The following ANPEP variants were observed in gnomAD, a reference collection of about 807,000 sequenced individuals.
ANPEP encodes the protein aminopeptidase N.
A neutral mutation model predicts 114.6 loss-of-function variants in ANPEP; 70 were observed. The ratio of observed to expected loss-of-function variants is 0.61; its 90% CI spans 0.50 to 0.75. ANPEP has a LOEUF of 0.75. ANPEP is among the 30% of genes least tolerant of loss of function. ANPEP has a pLI of 0.00. For missense variants in ANPEP, 1,184 were observed against 1,259.5 expected, an observed-to-expected ratio of 0.94 and a Z score of 0.91; for synonymous variants, 548 against 522.3, an observed-to-expected ratio of 1.05 and a Z score of -0.67.
rs561792946 is a variant in ANPEP, at chr15:89,790,661, C to A, written c.2670-120G>T. The A allele has an allele frequency of 1.9e-5, 18 of 923,482 alleles. No individual in the cohort carries two copies. In the African/African-American group the frequency reaches 2.5e-4, roughly 13 times the overall value. The allele number at this position is 923,482 out of a possible 1,614,324, so 57.2% of individuals were successfully genotyped here. On this transcript the variant is annotated intron_variant, in intron 19 of 20. Coordinates refer to ENST00000300060, the MANE Select transcript of ANPEP (RefSeq NM_001150.3). ...AGATGAAATGACACGCCCTGGGAGA[C>A]CCCACTAGGATGTGGGGGAGTCACA... is the stretch of plus-strand genomic sequence containing the variant.
intron 14 of ANPEP, 136 bp from the exon 15 acceptor site, chr15:89,797,858 GA>G: frequency 8.1e-7 from 1 of 1,227,924 alleles, no homozygotes; most frequent in Admixed American, 2.4e-5. Flanking sequence ...GGAGGTCCCA[GA>G]TTCCCAACTG....
intron 15 of ANPEP, among the ~76,000 whole-genome samples, chr15:89,796,203 G>A (rs894332274): frequency 4.3e-4 from 66 of 152,198 alleles, no homozygotes; most frequent in Non-Finnish European, 8.1e-4. Context: ...GCAAGAGAGT[G>A]AGACCTTGTC....
chr15:89,792,115 G>C (rs935083208), intron 18 of ANPEP, 45 bp downstream of exon 18: 3 of 1,585,240 alleles, frequency 1.9e-6, no homozygotes. Flanking sequence ...TGGTTCTCCA[G>C]GTGGGGAGAG....
rs1894576646 is a variant in ANPEP at position 89,800,989 on chromosome 15, T to C, written c.1819+122A>G. On this transcript the variant is annotated intron_variant, in intron 12 of 20. Coordinates refer to ENST00000300060, the MANE Select transcript of ANPEP (RefSeq NM_001150.3). ...CAGCGAAGCAGCAGCAAAGTGGAGA[T>C]TGGAACCAAAGAAGTCAAGTCCATT... is the stretch of plus-strand genomic sequence containing the variant. The C allele has an allele frequency of 9.7e-6, 8 of 827,552 alleles. 1 individual carries two copies. The highest frequency in any genetic ancestry group is 6.4e-5 in the South Asian group (4 of 62,098). 51.3% of individuals were successfully genotyped at this position (827,552 alleles called of 1,614,324 possible).
At chr15:89,801,898 T>C (rs1003207770) in intron 10 of ANPEP, among the ~76,000 whole-genome samples, 2 of 152,074 alleles carry the variant, frequency 1.3e-5, no homozygotes, top group African/African-American at 4.8e-5. Flanking sequence ...TGCCCATGGC[T>C]CTTCCTGAAC....
rs754660003 is a variant in ANPEP, at chr15:89,806,297, T to C, written c.287A>G (p.Asn96Ser). Residue 96 changes from asparagine (N) to serine (S), a missense_variant, in exon 2 of 21, where the codon AAT becomes AGT. Coordinates refer to ENST00000300060, the MANE Select transcript of ANPEP (RefSeq NM_001150.3). The surrounding 1 kb of genome is among the most constrained non-coding windows in gnomAD (Gnocchi z 5.7). ...CTTAAAAACGTACAGGCCCCTGTCATTGGGGGTGAGGTACGGTCTCAGCGT... is the reference window on the plus strand; with the variant it reads ...CTTAAAAACGTACAGGCCCCTGTCACTGGGGGTGAGGTACGGTCTCAGCGT... ...RVTLRPYLTP[N>S]DRGLYVFKGS... The C allele has an allele frequency of 9.9e-6, 16 of 1,613,924 alleles. No homozygotes were observed. In the East Asian group the frequency reaches 1.6e-4, roughly 16 times the overall value.
At chr15:89,800,468 T>C (rs533971401) in intron 12 of ANPEP, among the ~76,000 whole-genome samples, 1 of 152,186 alleles carries the variant, frequency 6.6e-6, no homozygotes, top group Non-Finnish European at 1.5e-5. Context: ...TGACTTGTCA[T>C]GCCCTTCGCT....
rs141739260 is a variant in ANPEP at position 89,797,501 on chromosome 15, T to C, written c.2157+74A>G. The C allele has an allele frequency of 4.9e-5, 75 of 1,531,228 alleles. No individual in the cohort carries two copies. The African/African-American group carries it at 9.6e-4, about 20-fold the overall frequency. The allele number at this position is 1,531,228 out of a possible 1,614,324, so 94.9% of individuals were successfully genotyped here. ...ACCAGGAGTCCAGTAGGCAATAGTC[T>C]ATTAACTTCCTAATAGTGCACTTTC... On this transcript the variant is annotated intron_variant, in intron 15 of 20. Coordinates refer to ENST00000300060, the MANE Select transcript of ANPEP (RefSeq NM_001150.3).
intron 1 of ANPEP, among the ~76,000 whole-genome samples, chr15:89,808,279 C>T (rs1894759137): frequency 1.3e-5 from 2 of 152,170 alleles, no homozygotes; most frequent in African/African-American, 4.8e-5. Context: ...ACAAGTCTTC[C>T]GCAGCGAAGC....
At chr15:89,814,379 G>A (rs983380555) in intron 1 of ANPEP, among the ~76,000 whole-genome samples, 5 of 152,048 alleles carry the variant, frequency 3.3e-5, no homozygotes, top group African/African-American at 1.2e-4. Flanking sequence ...CTTCGGCCGC[G>A]CCCCACCCAC....
At chr15:89,809,282 C>T (rs1488171917) in intron 1 of ANPEP, among the ~76,000 whole-genome samples, 1 of 152,260 alleles carries the variant, frequency 6.6e-6, no homozygotes, top group Non-Finnish European at 1.5e-5. Context: ...CTGACGGAGC[C>T]TGCAGCCCCC....
chr15:89,790,822 C>G (rs1389742782), intron 19 of ANPEP, 131 bp downstream of exon 19: 1 of 1,219,328 alleles, frequency 8.2e-7, no homozygotes, highest in Non-Finnish European at 1.1e-6. Flanking sequence ...CTGCCCCACC[C>G]TAGCCCCCAG....
chr15:89,791,829 G>A (rs1183226514), intron 18 of ANPEP, among the ~76,000 whole-genome samples: 1 of 152,150 alleles, frequency 6.6e-6, no homozygotes, highest in East Asian at 1.9e-4. Context: ...CCTCATCCAA[G>A]GGCTTGAGGG....
chr15:89,811,532 A>G (rs977528117), intron 1 of ANPEP, among the ~76,000 whole-genome samples: 13 of 151,452 alleles, frequency 8.6e-5, no homozygotes, highest in South Asian at 4.2e-4. Flanking sequence ...TGTAATCCCA[A>G]CTACTCGGGA....
chr15:89,803,223 G>A lies in ANPEP; in HGVS notation c.1569+16C>T, dbSNP rs1161754818. 1.2e-6 allele frequency: 2 copies of A among 1,612,902 alleles called. No individual in the cohort carries two copies. Among genetic ancestry groups the A allele is most frequent in the East Asian group, 2.2e-5 (1 of 44,884 alleles). On this transcript the variant is annotated intron_variant, in intron 10 of 20. Transcript: ENST00000300060. The surrounding 1 kb of genome is among the most constrained non-coding windows in gnomAD (Gnocchi z 4.2). The stretch of plus-strand genomic sequence containing the variant: ...ACCCCAACAGGATGGCTGTGGAGGG[G>A]CTGGCTGCTACTGACCTCCTGCAGG...
chr15:89,786,385 A>ATT (rs1968507136), intron 20 of ANPEP, among the ~76,000 whole-genome samples: 2 of 86,466 alleles, frequency 2.3e-5, no homozygotes, highest in Non-Finnish European at 2.2e-5. Flanking sequence ...AATTTTAACT[A>ATT]CTTTTTTTTT....
chr15:89,790,488 C>A lies in ANPEP; in HGVS notation c.2723G>T (p.Arg908Leu). 6.2e-7 allele frequency: 1 copy of A among 1,613,918 alleles called. No homozygotes were observed. Among genetic ancestry groups the A allele is most frequent in the Non-Finnish European group, 8.5e-7 (1 of 1,179,910 alleles). ...CTGCAGCTCATACTCGGTGGAGAAT[C>A]GTCGTGTCACTGCCTGGATGAGGTT... The part of the protein sequence containing the change: ...FSNLIQAVTR[R>L]FSTEYELQQL... Residue 908 changes from arginine (R) to leucine (L), a missense_variant, in exon 20 of 21, where the codon CGA (arginine) becomes CTA (leucine). By Grantham distance (102) the Arg-to-Leu change is moderately radical. Coordinates refer to ENST00000300060, the MANE Select transcript of ANPEP (RefSeq NM_001150.3).
chr15:89,798,832 C>T lies in ANPEP; in HGVS notation c.2009+428G>A, dbSNP rs149246056. Among the ~76,000 whole-genome samples, 966 of 152,224 alleles carry T rather than the reference C, an allele frequency of 6.3e-3. 7 individuals carry two copies. The highest frequency in any genetic ancestry group is 0.022 in the African/African-American group (931 of 41,542). On this transcript the variant is annotated intron_variant, in intron 14 of 20. Coordinates refer to ENST00000300060, the MANE Select transcript of ANPEP (RefSeq NM_001150.3). ...GTGCACACCTGTAATCCCAGCAACTCGGGAGGCTGAGGCAGAGAATCGCTT... is the reference window on the plus strand; with the variant it reads ...GTGCACACCTGTAATCCCAGCAACTTGGGAGGCTGAGGCAGAGAATCGCTT...
chr15:89,797,422 CA>C, intron 15 of ANPEP, 152 bp downstream of exon 15: 4 of 1,177,814 alleles, frequency 3.4e-6, no homozygotes, highest in Non-Finnish European at 4.7e-6. Flanking sequence ...GAGAACCTGA[CA>C]AGGCAATCTT....
Sources: gnomAD v4.1 joint callset for allele counts (sites outside exome capture counted in the v4.1 genomes callset) on GRCh38, gnomAD v4.1.1 for gene constraint, Gnocchi (gnomAD v3.1) non-coding constraint, MANE v1.5 for transcripts, NCBI Gene and HGNC (gene_info 2026-07-23, HGNC 2026-07-21) for gene names.